Variants in DIAPH3 observed in about 807,000 individuals in gnomAD.
DIAPH3 encodes the protein protein diaphanous homolog 3.
Under a neutral mutation model 144.3 loss-of-function variants are expected in DIAPH3, and 117 were observed. The ratio of observed to expected loss-of-function variants is 0.81; its 90% CI spans 0.70 to 0.95. The LOEUF (loss-of-function observed/expected upper bound fraction) is 0.95, where lower values mean the gene tolerates loss of function less well. DIAPH3 is among the 40% of genes least tolerant of loss of function. The pLI, the probability that DIAPH3 is intolerant of heterozygous loss-of-function variation, is 0.00. For synonymous variants in DIAPH3, 519 were observed against 488.9 expected, an observed-to-expected ratio of 1.06 and a Z score of -0.81; for missense variants, 1,421 against 1,412.7, an observed-to-expected ratio of 1.01 and a Z score of -0.09.
intron 18 of DIAPH3, among the ~76,000 whole-genome samples, chr13:59,922,721 C>T (rs1444491252): frequency 6.6e-6 from 1 of 152,064 alleles, no homozygotes; most frequent in Non-Finnish European, 1.5e-5. Context: ...AAATGGATTA[C>T]ATCATAATAT....
chr13:59,750,151 G>C (rs1430057739), intron 27 of DIAPH3, among the ~76,000 whole-genome samples: 1 of 152,134 alleles, frequency 6.6e-6, no homozygotes, highest in African/African-American at 2.4e-5. Context: ...TACAATATTA[G>C]TTCTCCTGAA....
intron 9 of DIAPH3, among the ~76,000 whole-genome samples, chr13:59,994,835 T>C (rs137958406): frequency 1.7e-3 from 259 of 151,964 alleles, no homozygotes; most frequent in African/African-American, 5.8e-3. Context: ...AGAGAGGGCA[T>C]AGCCTTGTGT....
chr13:59,945,693 G>C lies in DIAPH3; in HGVS notation c.2075-20823C>G, dbSNP rs1361115215. ...AATAGGAATCACAGAGCTCTGAGAA[G>C]AAATAGTCCTTAAGCACAAAGCTGC... On this transcript the variant is annotated intron_variant, in intron 17 of 27. Transcript: ENST00000400324. Among the ~76,000 whole-genome samples the C allele has an allele frequency of 2.6e-5, 4 of 151,628 alleles. No homozygotes were observed. In the East Asian group the frequency reaches 7.7e-4, roughly 29 times the overall value.
intron 17 of DIAPH3, among the ~76,000 whole-genome samples, chr13:59,960,824 C>T (rs1403419782): frequency 6.6e-6 from 1 of 151,578 alleles, no homozygotes; most frequent in African/African-American, 2.4e-5. Context: ...ATTATTAGGC[C>T]CCAGTCCCAT....
intron 4 of DIAPH3, among the ~76,000 whole-genome samples, chr13:60,054,189 A>G (rs1253513648): frequency 6.6e-6 from 1 of 152,020 alleles, no homozygotes; most frequent in East Asian, 1.9e-4. Flanking sequence ...CTGTAGAGAA[A>G]ACCAGTATTT....
chr13:59,794,267 T>A (rs564507500), intron 25 of DIAPH3, among the ~76,000 whole-genome samples: 1 of 152,326 alleles, frequency 6.6e-6, no homozygotes, highest in East Asian at 1.9e-4. Flanking sequence ...TTGAGGTGCA[T>A]CTGTATATAC....
chr13:59,708,272 C>T (rs1450114622), intron 27 of DIAPH3, among the ~76,000 whole-genome samples: 1 of 152,048 alleles, frequency 6.6e-6, no homozygotes, highest in Admixed American at 6.6e-5. Context: ...ACTATATTGC[C>T]CAGGCTAGTC....
chr13:59,854,214 A>G (rs1205017827), intron 22 of DIAPH3, among the ~76,000 whole-genome samples: 1 of 152,168 alleles, frequency 6.6e-6, no homozygotes, highest in African/African-American at 2.4e-5. Flanking sequence ...AGAAGCTGGA[A>G]GAGAAGCATG....
chr13:60,105,395 C>T (rs1162494182), intron 3 of DIAPH3, among the ~76,000 whole-genome samples: 1 of 152,116 alleles, frequency 6.6e-6, no homozygotes, highest in Non-Finnish European at 1.5e-5. Flanking sequence ...AAAATTCCTC[C>T]CTCTAACCAT....
intron 20 of DIAPH3, among the ~76,000 whole-genome samples, chr13:59,891,516 T>A (rs781430719): frequency 1.1e-4 from 16 of 150,434 alleles, no homozygotes; most frequent in Non-Finnish European, 2.1e-4. Flanking sequence ...AGGAATTTAG[T>A]GGGGAAGTGG....
At chr13:59,827,324 A>G (rs2041495888) in intron 24 of DIAPH3, among the ~76,000 whole-genome samples, 2 of 152,162 alleles carry the variant, frequency 1.3e-5, no homozygotes, top group Non-Finnish European at 2.9e-5. Flanking sequence ...ATGAACTCAA[A>G]CAAATTTACA....
chr13:60,082,319 G>A (rs1439419784), intron 4 of DIAPH3, among the ~76,000 whole-genome samples: 1 of 149,140 alleles, frequency 6.7e-6, no homozygotes, highest in African/African-American at 2.5e-5. Flanking sequence ...ATTAAAGATA[G>A]ACAAAAATCC....
chr13:59,754,919 C>T (rs1214581872), intron 27 of DIAPH3, among the ~76,000 whole-genome samples: 1 of 152,056 alleles, frequency 6.6e-6, no homozygotes, highest in African/African-American at 2.4e-5. Flanking sequence ...ATTTTACTGA[C>T]CAAAAAACCT....
In DIAPH3 at chr13:59,859,857, T is replaced by C. The variant is rs952538902; in HGVS notation, c.2737+1550A>G. On this transcript the variant is annotated intron_variant, in intron 22 of 27. Transcript: ENST00000400324. Reference sequence around the variant, plus strand: ...TTTAACACAAGAAAATAATTTCAATTATTTTCCCTTCTTGAATCCTATTAA... The same window carrying C: ...TTTAACACAAGAAAATAATTTCAATCATTTTCCCTTCTTGAATCCTATTAA... Among the ~76,000 whole-genome samples, 3 of 152,330 alleles carry C rather than the reference T, an allele frequency of 2.0e-5. No homozygotes were observed. In the East Asian group the frequency reaches 5.8e-4, roughly 29 times the overall value.
intron 25 of DIAPH3, among the ~76,000 whole-genome samples, chr13:59,797,185 C>A (rs945646234): frequency 3.3e-5 from 5 of 152,050 alleles, no homozygotes; most frequent in Admixed American, 6.6e-5. Flanking sequence ...TCCCCCCATC[C>A]CTACTTTATT....
intron 2 of DIAPH3, among the ~76,000 whole-genome samples, chr13:60,112,784 C>G (rs1162214831): frequency 7.2e-5 from 11 of 152,040 alleles, no homozygotes; most frequent in African/African-American, 2.2e-4. Flanking sequence ...AGAAATAAAC[C>G]TAGATTTTTG....
At chr13:59,788,647 A>G (rs1407553715) in intron 25 of DIAPH3, among the ~76,000 whole-genome samples, 1 of 152,196 alleles carries the variant, frequency 6.6e-6, no homozygotes, top group Non-Finnish European at 1.5e-5. Context: ...GACTAAATAA[A>G]CTATGACATC....
intron 17 of DIAPH3, among the ~76,000 whole-genome samples, chr13:59,952,160 A>G (rs1484752387): frequency 6.6e-6 from 1 of 152,154 alleles, no homozygotes; most frequent in East Asian, 1.9e-4. Context: ...TAAGTCACAT[A>G]TTGTGTGATT....
At chr13:59,850,445 T>A (rs970540213) in intron 22 of DIAPH3, among the ~76,000 whole-genome samples, 2 of 151,782 alleles carry the variant, frequency 1.3e-5, no homozygotes, top group African/African-American at 4.9e-5. Flanking sequence ...AGTATGATAT[T>A]GGCTGTGGGT....
Sources: allele counts gnomAD v4.1 joint callset (sites outside exome capture counted in the v4.1 genomes callset), GRCh38; gene constraint gnomAD v4.1.1; transcripts MANE v1.5; gene names NCBI Gene and HGNC (gene_info 2026-07-23, HGNC 2026-07-21).